AANAT: variants seen among roughly 807,000 people sequenced by gnomAD.
AANAT encodes aralkylamine N-acetyltransferase.
AANAT carries 11 observed loss-of-function variants against 15.6 expected under a neutral mutation model. That is an observed-to-expected ratio of 0.71 (90% confidence interval 0.44 to 1.17). AANAT has a LOEUF of 1.17. Among genes scored for constraint, AANAT ranks in the 50% most tolerant of loss-of-function variants. AANAT has a pLI of 0.00. For missense variants in AANAT, 286 were observed against 296.3 expected, an observed-to-expected ratio of 0.97 and a Z score of 0.26; for synonymous variants, 139 against 131.5, an observed-to-expected ratio of 1.06 and a Z score of -0.39.
At position 76,469,877 on chromosome 17, in the gene AANAT, C is replaced by T. The variant is rs1438241334; in HGVS notation, c.531C>T (p.Gly177=). 2.5e-6 allele frequency: 4 copies of T among 1,588,034 alleles called. No homozygotes were observed. The highest frequency in any genetic ancestry group is 2.7e-5 in the African/African-American group (2 of 74,594). ...AGAGGTTCAGCTTCCACGCCGTGGGCCCCTGCGCCATCACCGTGGGCTCCC... is the reference window on the plus strand; with the variant it reads ...AGAGGTTCAGCTTCCACGCCGTGGGTCCCTGCGCCATCACCGTGGGCTCCC... The part of the protein sequence containing the change: ...FYERFSFHAV[G]PCAITVGSLT... Residue 177 remains glycine, a synonymous_variant, in exon 4 of 4, where the codon GGC becomes GGT. Coordinates refer to ENST00000392492, the MANE Select transcript of AANAT (RefSeq NM_001088.3). This position sits in a 1 kb window ranked among gnomAD's most constrained non-coding sequence, Gnocchi z 5.2.
upstream of AANAT, chr17:76,466,325 C>T (rs1337593998): frequency 6.6e-6 from 7 of 1,057,710 alleles, no homozygotes; most frequent in Non-Finnish European, 9.2e-6. Flanking sequence ...TGTTGAGGGT[C>T]CCTTCTAGCA....
At chr17:76,463,977 G>T (rs2073413870), upstream of AANAT, among the ~76,000 whole-genome samples, 1 of 152,194 alleles carries the variant, frequency 6.6e-6, no homozygotes, top group Admixed American at 6.5e-5. Flanking sequence ...CAGGTGGGGA[G>T]TTAGGTAGCA....
chr17:76,464,141 G>A (rs561558062), upstream of AANAT, among the ~76,000 whole-genome samples: 1 of 152,266 alleles, frequency 6.6e-6, no homozygotes, highest in South Asian at 2.1e-4. Flanking sequence ...AGGAGTTTGA[G>A]ACCAGCCTGA....
chr17:76,464,358 AG>A (rs1382616219), upstream of AANAT, among the ~76,000 whole-genome samples: 4 of 151,470 alleles, frequency 2.6e-5, no homozygotes, highest in African/African-American at 9.7e-5. Context: ...AAAAAAAAAA[AG>A]AATATTCTGG....
chr17:76,457,675 ATGT>A (rs138496646), intron 1 of AANAT, among the ~76,000 whole-genome samples: 51 of 152,274 alleles, frequency 3.3e-4, no homozygotes, highest in Non-Finnish European at 5.9e-4. Flanking sequence ...CATGTGGACC[ATGT>A]TGTATTTGTG....
At chr17:76,453,976 T>C (rs4789298) in intron 1 of AANAT, among the ~76,000 whole-genome samples, 72,463 of 152,214 alleles carry the variant, frequency 0.48, 19,429 homozygotes, top group Non-Finnish European at 0.6. Context: ...CTTATTTTCA[T>C]CTTAATTTGC....
At chr17:76,467,293 C>T (rs2143976503), upstream of AANAT, among the ~76,000 whole-genome samples, 1 of 152,250 alleles carries the variant, frequency 6.6e-6, no homozygotes, top group African/African-American at 2.4e-5. Flanking sequence ...CCTCCCCCCA[C>T]ATAAGAGGTG....
chr17:76,460,252 C>T (rs900015872), intron 2 of AANAT, among the ~76,000 whole-genome samples: 1 of 145,530 alleles, frequency 6.9e-6, no homozygotes, highest in African/African-American at 2.6e-5. Context: ...GGGTTCAAGA[C>T]ATTCTTGTGC....
Position 76,469,700 on chromosome 17 carries a change from A to G in AANAT, c.354A>G (p.Ile118Met), listed in dbSNP as rs1555613244. Reference protein sequence around the residue: ...SLTLHRSGGHIAHLHVLAVHR... With the variant: ...SLTLHRSGGHMAHLHVLAVHR... ...CGCTGCACAGGTCTGGGGGCCACAT[A>G]GCCCACCTGCATGTGCTGGCCGTGC... is the stretch of plus-strand genomic sequence containing the variant. Residue 118 changes from isoleucine to methionine, a missense_variant, in exon 4 of 4, where the codon ATA becomes ATG. By Grantham distance (10) the Ile-to-Met change is conservative (BLOSUM62 1). Transcript: ENST00000392492. The surrounding 1 kb of genome is among the most constrained non-coding windows in gnomAD (Gnocchi z 5.2). 3.3e-6 allele frequency: 5 copies of G among 1,527,840 alleles called. No individual in the cohort carries two copies. Among genetic ancestry groups the G allele is most frequent in the Non-Finnish European group, 4.4e-6 (5 of 1,136,106 alleles). The allele number at this position is 1,527,840 out of a possible 1,614,324, so 94.6% of individuals were successfully genotyped here.
In AANAT at chr17:76,469,138, G is replaced by A. The variant is rs370776679; in HGVS notation, c.164-35G>A. On this transcript the variant is annotated intron_variant, in intron 2 of 3. Coordinates refer to ENST00000392492, the MANE Select transcript of AANAT (RefSeq NM_001088.3). The surrounding 1 kb of genome is among the most constrained non-coding windows in gnomAD (Gnocchi z 5.2). ...GCAGACAGTGGACGCGAGGCACAGC[G>A]ACTACCAGTCACCCACCTGAGCCTC... The A allele has an allele frequency of 6.1e-5, 99 of 1,612,434 alleles. No individual in the cohort carries two copies. The Admixed American group carries it at 6.8e-4, about 11-fold the overall frequency.
At chr17:76,460,259 G>A (rs1366472319) in intron 2 of AANAT, among the ~76,000 whole-genome samples, 1 of 142,910 alleles carries the variant, frequency 7.0e-6, no homozygotes, top group Non-Finnish European at 1.5e-5. Context: ...AGACATTCTT[G>A]TGCCTCAGCC....
chr17:76,466,928 C>G (rs147181029), upstream of AANAT, among the ~76,000 whole-genome samples: 2 of 152,148 alleles, frequency 1.3e-5, no homozygotes, highest in South Asian at 4.1e-4. Context: ...ACCTCCAGGA[C>G]CCCCAGGAGC....
chr17:76,467,554 G>T (rs1207993379), upstream of AANAT: 29 of 985,418 alleles, frequency 2.9e-5, no homozygotes, highest in Middle Eastern at 5.2e-4. Flanking sequence ...AGCTCGAGAG[G>T]TGGGGTGGGG....
At chr17:76,468,032 C>T (rs1412791294) in intron 1 of AANAT, among the ~76,000 whole-genome samples, 2 of 151,966 alleles carry the variant, frequency 1.3e-5, no homozygotes, top group Non-Finnish European at 2.9e-5. Flanking sequence ...AACCTCCCCA[C>T]CCCCCACCAC....
At chr17:76,466,424 G>C (rs1028251842), upstream of AANAT, among the ~76,000 whole-genome samples, 1 of 152,150 alleles carries the variant, frequency 6.6e-6, no homozygotes, top group Non-Finnish European at 1.5e-5. Flanking sequence ...CGGGGGCATC[G>C]GGACGGGGTC....
Position 76,469,115 on chromosome 17 carries a change from A to T in AANAT, c.164-58A>T. 1 of 1,604,794 alleles carries T rather than the reference A, an allele frequency of 6.2e-7. No homozygotes were observed. Among genetic ancestry groups the T allele is most frequent in the South Asian group, 1.1e-5 (1 of 89,990 alleles). On this transcript the variant is annotated intron_variant, in intron 2 of 3. Transcript: ENST00000392492. This position sits in a 1 kb window ranked among gnomAD's most constrained non-coding sequence, Gnocchi z 5.2. ...TCTGAGTGGACACTCGGGGTGCAGC[A>T]GACAGTGGACGCGAGGCACAGCGAC...
At chr17:76,454,937 G>A (rs980163419) in intron 1 of AANAT, among the ~76,000 whole-genome samples, 1 of 151,836 alleles carries the variant, frequency 6.6e-6, no homozygotes, top group African/African-American at 2.4e-5. Flanking sequence ...GACCAGCCTG[G>A]CCAAGATGGT....
intron 1 of AANAT, among the ~76,000 whole-genome samples, chr17:76,456,611 C>T (rs1397574325): frequency 6.6e-6 from 1 of 152,196 alleles, no homozygotes; most frequent in African/African-American, 2.4e-5. Context: ...GGAATCACTG[C>T]TGTAAGGACG....
intron 1 of AANAT, among the ~76,000 whole-genome samples, chr17:76,455,965 A>G (rs1233267596): frequency 6.6e-6 from 1 of 152,074 alleles, no homozygotes; most frequent in African/African-American, 2.4e-5. Flanking sequence ...GTGAGCCAAG[A>G]ACACATCACT....
Sources: gnomAD v4.1 joint callset for allele counts (sites outside exome capture counted in the v4.1 genomes callset) on GRCh38, gnomAD v4.1.1 for gene constraint, Gnocchi (gnomAD v3.1) non-coding constraint, MANE v1.5 for transcripts, NCBI Gene and HGNC (gene_info 2026-07-23, HGNC 2026-07-21) for gene names.